SEM1: variants seen among roughly 807,000 people sequenced by gnomAD.
SEM1 encodes 26S proteasome complex subunit SEM1.
SEM1 carries 3 observed loss-of-function variants against 12.7 expected under a neutral mutation model. The observed-to-expected ratio is 0.24, with a 90% CI of 0.11 to 0.61. SEM1 has a LOEUF of 0.61. Ranked by LOEUF, SEM1 falls within the 20% of genes least tolerant of loss-of-function variation. The pLI, the probability that SEM1 is intolerant of heterozygous loss-of-function variation, is 0.88. For missense variants in SEM1, 59 were observed against 81.3 expected (o/e 0.73, Z 1.06); for synonymous variants, 30 against 27.8 (o/e 1.08, Z -0.25).
chr7:96,563,224 A>G (rs1287808871), intron 2 of SEM1, among the ~76,000 whole-genome samples: 1 of 152,050 alleles, frequency 6.6e-6, no homozygotes, highest in Non-Finnish European at 1.5e-5. Flanking sequence ...ATCTAGATAC[A>G]AGGAGGTGGG....
intron 2 of SEM1, among the ~76,000 whole-genome samples, chr7:96,660,231 C>A (rs1484808389): frequency 6.6e-6 from 1 of 152,056 alleles, no homozygotes; most frequent in African/African-American, 2.4e-5. Context: ...ACAAAGATTT[C>A]AACTCCCCAG....
intron 1 of SEM1, among the ~76,000 whole-genome samples, chr7:96,494,972 A>G (rs1481047302): frequency 7.4e-6 from 1 of 134,532 alleles, no homozygotes; most frequent in Non-Finnish European, 1.6e-5. Context: ...GGCCATAGAA[A>G]TATTGTGAAA....
In SEM1 at chr7:96,630,308, C is replaced by G. The variant is rs191483916; in HGVS notation, c.171-7665G>C. 2.6e-5 allele frequency among the ~76,000 whole-genome samples: 4 copies of G among 152,254 alleles called. No homozygotes were observed. The East Asian group carries it at 7.7e-4, about 29-fold the overall frequency. On this transcript the variant is annotated intron_variant, in intron 2 of 2. Transcript: ENST00000417009. Reference sequence around the variant, plus strand: ...AAACCTTAGAATTCTACGTGGTATTCTAGTGTGCTGCGGCTGAGCTGGCAC... The same window carrying G: ...AAACCTTAGAATTCTACGTGGTATTGTAGTGTGCTGCGGCTGAGCTGGCAC...
chr7:96,491,957 G>A (rs1803025498), intron 1 of SEM1, among the ~76,000 whole-genome samples: 1 of 152,118 alleles, frequency 6.6e-6, no homozygotes, highest in South Asian at 2.1e-4. Flanking sequence ...TAAGTGGCAG[G>A]TCCTATGTTT....
chr7:96,603,938 T>C (rs892027381), intron 2 of SEM1, among the ~76,000 whole-genome samples: 22 of 152,174 alleles, frequency 1.4e-4, no homozygotes, highest in African/African-American at 5.1e-4. Flanking sequence ...ATAAATTTTG[T>C]ATTTGTGGCT....
intron 2 of SEM1, among the ~76,000 whole-genome samples, chr7:96,586,934 G>T (rs1028603015): frequency 1.5e-4 from 23 of 152,178 alleles, no homozygotes; most frequent in African/African-American, 5.1e-4. Context: ...TTGCTATACT[G>T]CCCATTACAA....
intron 2 of SEM1, among the ~76,000 whole-genome samples, chr7:96,655,406 A>T (rs1225244606): frequency 1.3e-5 from 2 of 151,252 alleles, no homozygotes; most frequent in Non-Finnish European, 2.9e-5. Flanking sequence ...GAACAGCTCT[A>T]CTAAAGTATA....
intron 1 of SEM1, among the ~76,000 whole-genome samples, chr7:96,698,557 T>C (rs1317121503): frequency 1.3e-5 from 2 of 152,152 alleles, no homozygotes; most frequent in African/African-American, 4.8e-5. Flanking sequence ...ACAATGATGG[T>C]TTCCAGCTTC....
intron 2 of SEM1, among the ~76,000 whole-genome samples, chr7:96,585,973 A>C (rs4461827): frequency 0.96 from 146,576 of 152,224 alleles, 70,801 homozygotes; most frequent in East Asian, 1. Flanking sequence ...TGTTCCTATT[A>C]CTCACCTTTC....
intron 2 of SEM1, chr7:96,486,111 C>T (rs2117200412): frequency 1.2e-6 from 1 of 866,400 alleles, no homozygotes; most frequent in Admixed American, 2.6e-5. Flanking sequence ...ATGTTGCTGG[C>T]CTTTAGTTTT....
chr7:96,492,488 G>C (rs1803046619), intron 1 of SEM1, among the ~76,000 whole-genome samples: 1 of 151,850 alleles, frequency 6.6e-6, no homozygotes, highest in Non-Finnish European at 1.5e-5. Flanking sequence ...CAGCTCACTG[G>C]AGCCTTGACC....
intron 2 of SEM1, among the ~76,000 whole-genome samples, chr7:96,511,132 G>T (rs1049483864): frequency 1.3e-5 from 2 of 151,992 alleles, no homozygotes; most frequent in African/African-American, 4.8e-5. Context: ...GAGATGAGAT[G>T]ATATGAATAC....
At chr7:96,570,801 A>G (rs1805998430) in intron 2 of SEM1, among the ~76,000 whole-genome samples, 1 of 152,280 alleles carries the variant, frequency 6.6e-6, no homozygotes, top group East Asian at 1.9e-4. Flanking sequence ...TGGTTGAACT[A>G]ATTTACACTC....
chr7:96,694,478 T>C (rs1458268663), intron 2 of SEM1, among the ~76,000 whole-genome samples: 1 of 151,990 alleles, frequency 6.6e-6, no homozygotes, highest in Non-Finnish European at 1.5e-5. Flanking sequence ...ACTCTATGAT[T>C]CTAATTTCTG....
At chr7:96,621,455 G>A (rs1807889951), downstream of SEM1, among the ~76,000 whole-genome samples, 1 of 152,102 alleles carries the variant, frequency 6.6e-6, no homozygotes, top group South Asian at 2.1e-4. Context: ...GAGTAGCCTG[G>A]GGTTTGGGGA....
At chr7:96,555,215 A>T (rs1262243344) in intron 2 of SEM1, among the ~76,000 whole-genome samples, 2 of 151,408 alleles carry the variant, frequency 1.3e-5, no homozygotes, top group Non-Finnish European at 2.9e-5. Context: ...GCTCTTAGTT[A>T]TTTCTTGCCT....
chr7:96,656,852 AATATATAT>A (rs57916069), intron 2 of SEM1, among the ~76,000 whole-genome samples: 180 of 144,686 alleles, frequency 1.2e-3, no homozygotes, highest in South Asian at 2.2e-3. Flanking sequence ...TATAATGTTA[AATATATAT>A]ATATATATAT....
chr7:96,705,362 A>ATC (rs1169880427), intron 1 of SEM1, among the ~76,000 whole-genome samples: 6 of 99,382 alleles, frequency 6.0e-5, no homozygotes, highest in South Asian at 3.4e-4. Context: ...TCTCTCTCAA[A>ATC]AAAAAAAAAA....
chr7:96,598,327 T>C (rs1368341015), intron 2 of SEM1, among the ~76,000 whole-genome samples: 1 of 151,950 alleles, frequency 6.6e-6, no homozygotes, highest in Non-Finnish European at 1.5e-5. Context: ...GAGAACTAAA[T>C]ATTGTATGGG....
Sources: allele counts gnomAD v4.1 joint callset (sites outside exome capture counted in the v4.1 genomes callset), GRCh38; gene constraint gnomAD v4.1.1; transcripts MANE v1.5; gene names NCBI Gene and HGNC (gene_info 2026-07-23, HGNC 2026-07-21).